ZNF423: variants seen among roughly 807,000 people sequenced by gnomAD.
ZNF423 encodes Ebf-associated zinc finger protein.
ZNF423 carries 12 observed loss-of-function variants against 95.8 expected under a neutral mutation model. The ratio of observed to expected loss-of-function variants is 0.13; its 90% CI spans 0.08 to 0.20. The LOEUF (loss-of-function observed/expected upper bound fraction) is 0.20. Among genes scored for constraint, ZNF423 ranks in the 10% least tolerant of loss-of-function variants. The pLI is 1.00. For missense variants in ZNF423, 1,316 were observed against 1,737.1 expected, an observed-to-expected ratio of 0.76 and a Z score of 4.31; for synonymous variants, 749 against 711.9, an observed-to-expected ratio of 1.05 and a Z score of -0.83.
At chr16:49,763,223 G>T (rs2033864021) in intron 2 of ZNF423, among the ~76,000 whole-genome samples, 1 of 152,066 alleles carries the variant, frequency 6.6e-6, no homozygotes, top group Admixed American at 6.6e-5. Context: ...GTGACAGCAG[G>T]TATTTTTGTT....
At chr16:49,690,880 G>A (rs1473140108) in intron 3 of ZNF423, among the ~76,000 whole-genome samples, 1 of 152,170 alleles carries the variant, frequency 6.6e-6, no homozygotes, top group African/African-American at 2.4e-5. Flanking sequence ...GGTAGAAAGA[G>A]GCTGCAGCTC....
chr16:49,596,598 T>C (rs1357621058), intron 5 of ZNF423, among the ~76,000 whole-genome samples: 1 of 152,248 alleles, frequency 6.6e-6, no homozygotes. Flanking sequence ...AAAATGCTAA[T>C]TTGTGTTTTT....
At chr16:49,767,367 C>T (rs1215747149) in intron 2 of ZNF423, among the ~76,000 whole-genome samples, 1 of 152,148 alleles carries the variant, frequency 6.6e-6, no homozygotes, top group Non-Finnish European at 1.5e-5. Flanking sequence ...TCGAAGTGGG[C>T]CAAGGCACCT....
chr16:49,637,644 T>C lies in ZNF423; in HGVS notation c.1532A>G (p.His511Arg). Residue 511 changes from histidine to arginine, a missense_variant, in exon 4 of 8, where the codon CAC (histidine) becomes CGC (arginine). This residue lies in a region of ZNF423 where 399 missense variants were observed against 478.5 expected (regional missense o/e 0.83). Coordinates refer to ENST00000563137, the MANE Select transcript of ZNF423 (RefSeq NM_001379286.1). The surrounding 1 kb of genome is among the most constrained non-coding windows in gnomAD (Gnocchi z 5.6). ...NSLQEHIRVS[H>R]CGPNANPSDG... ...AGAGGGGTTGGCGTTGGGGCCGCAGTGGGAGACGCGGATGTGCTCCTGCAG... is the reference window on the plus strand; with the variant it reads ...AGAGGGGTTGGCGTTGGGGCCGCAGCGGGAGACGCGGATGTGCTCCTGCAG... 1 of 1,613,984 alleles carries C rather than the reference T, an allele frequency of 6.2e-7. No individual in the cohort carries two copies.
chr16:49,504,924 G>A (rs1385368114), intron 7 of ZNF423, among the ~76,000 whole-genome samples: 1 of 152,184 alleles, frequency 6.6e-6, no homozygotes, highest in African/African-American at 2.4e-5. Context: ...GCAGTCATAG[G>A]CCAGTCCAGC....
chr16:49,819,070 G>A (rs2034899730), intron 1 of ZNF423, among the ~76,000 whole-genome samples: 1 of 151,786 alleles, frequency 6.6e-6, no homozygotes, highest in Non-Finnish European at 1.5e-5. Flanking sequence ...TGGCCAAATG[G>A]TGAAACCCCG....
chr16:49,819,725 G>A (rs2034911293), intron 1 of ZNF423, among the ~76,000 whole-genome samples: 1 of 152,100 alleles, frequency 6.6e-6, no homozygotes, highest in African/African-American at 2.4e-5. Flanking sequence ...CTAGATTACA[G>A]GAATGAGCCC....
At chr16:49,571,356 C>T (rs556454510) in intron 5 of ZNF423, among the ~76,000 whole-genome samples, 1 of 152,210 alleles carries the variant, frequency 6.6e-6, no homozygotes, top group Non-Finnish European at 1.5e-5. Flanking sequence ...CACGAGTCAC[C>T]ACCTAACTGC....
At chr16:49,555,937 C>T (rs1156424231) in intron 5 of ZNF423, among the ~76,000 whole-genome samples, 1 of 152,112 alleles carries the variant, frequency 6.6e-6, no homozygotes, top group Non-Finnish European at 1.5e-5. Flanking sequence ...AGATCTGCCT[C>T]CTTTCCTTAA....
At chr16:49,815,842 T>C (rs1468400535) in intron 1 of ZNF423, among the ~76,000 whole-genome samples, 1 of 136,386 alleles carries the variant, frequency 7.3e-6, no homozygotes, top group Non-Finnish European at 1.5e-5. Flanking sequence ...TCCTGAATTT[T>C]AAGTGTTACA....
intron 5 of ZNF423, among the ~76,000 whole-genome samples, chr16:49,618,140 G>A (rs561291275): frequency 1.3e-5 from 2 of 152,312 alleles, no homozygotes; most frequent in South Asian, 2.1e-4. Context: ...CGCAGGCCCC[G>A]AGTCACACTG....
chr16:49,554,479 CA>C (rs1969754727), intron 5 of ZNF423, among the ~76,000 whole-genome samples: 1 of 152,132 alleles, frequency 6.6e-6, no homozygotes, highest in Admixed American at 6.5e-5. Flanking sequence ...ACCATTTCAA[CA>C]GGGTGCTCTA....
intron 3 of ZNF423, among the ~76,000 whole-genome samples, chr16:49,698,493 G>A (rs2032057044): frequency 6.6e-6 from 1 of 152,216 alleles, no homozygotes; most frequent in Admixed American, 6.5e-5. Context: ...TTTGCCAGTC[G>A]TGATACCCCG....
At chr16:49,852,888 G>C (rs750957336) in intron 1 of ZNF423, among the ~76,000 whole-genome samples, 3 of 152,230 alleles carry the variant, frequency 2.0e-5, no homozygotes, top group African/African-American at 7.2e-5. Flanking sequence ...GGTTGTGTCC[G>C]TGAGTGGGAA....
At chr16:49,739,193 T>C (rs1207437022) in intron 2 of ZNF423, among the ~76,000 whole-genome samples, 1 of 152,120 alleles carries the variant, frequency 6.6e-6, no homozygotes, top group Non-Finnish European at 1.5e-5. Context: ...AATAAGGTGA[T>C]ATATACAAAG....
intron 2 of ZNF423, among the ~76,000 whole-genome samples, chr16:49,759,685 C>T (rs1294177356): frequency 6.6e-6 from 1 of 152,192 alleles, no homozygotes; most frequent in East Asian, 1.9e-4. Flanking sequence ...GCTTTTAACC[C>T]CTGTGACAGC....
intron 5 of ZNF423, among the ~76,000 whole-genome samples, chr16:49,533,745 C>T (rs951682949): frequency 1.3e-5 from 2 of 152,182 alleles, no homozygotes; most frequent in African/African-American, 4.8e-5. Context: ...GCTGCAGATG[C>T]CCAGGGTGAC....
At chr16:49,715,209 A>C (rs2032667380) in intron 3 of ZNF423, among the ~76,000 whole-genome samples, 1 of 152,238 alleles carries the variant, frequency 6.6e-6, no homozygotes, top group Admixed American at 6.5e-5. Context: ...ATTCAAAAAC[A>C]TCAAGCAATC....
intron 1 of ZNF423, among the ~76,000 whole-genome samples, chr16:49,840,886 C>A (rs1304758169): frequency 6.6e-6 from 1 of 152,214 alleles, no homozygotes; most frequent in African/African-American, 2.4e-5. Context: ...TCCCACACAG[C>A]CGCTTCCCTG....
Sources: gnomAD v4.1 joint callset for allele counts (sites outside exome capture counted in the v4.1 genomes callset) on GRCh38, gnomAD v4.1.1 for gene constraint, gnomAD v4.1.1 regional missense constraint, Gnocchi (gnomAD v3.1) non-coding constraint, MANE v1.5 for transcripts, NCBI Gene and HGNC (gene_info 2026-07-23, HGNC 2026-07-21) for gene names.